The following FAM227B variants were observed in gnomAD, a reference collection of about 807,000 sequenced individuals.
The protein encoded by FAM227B is family with sequence similarity 227 member B.
Under a neutral mutation model 73.8 loss-of-function variants are expected in FAM227B, and 88 were observed. The ratio of observed to expected loss-of-function variants is 1.19; its 90% CI spans 1.00 to 1.42. FAM227B has a LOEUF of 1.42. Among genes scored for constraint, FAM227B ranks in the 40% most tolerant of loss-of-function variants. FAM227B has a pLI of 0.00. For missense variants in FAM227B, 632 were observed against 590.9 expected (o/e 1.07, Z -0.72); for synonymous variants, 210 against 190.5 (o/e 1.10, Z -0.84).
chr15:49,361,155 AC>A (rs1384277291), intron 13 of FAM227B, among the ~76,000 whole-genome samples: 1 of 152,200 alleles, frequency 6.6e-6, no homozygotes, highest in Non-Finnish European at 1.5e-5. Context: ...TCATAACATC[AC>A]TTTTTACCCC....
At chr15:49,568,198 C>G in intron 9 of FAM227B, 47 bp downstream of exon 9, 1 of 1,454,904 alleles carries the variant, frequency 6.9e-7, no homozygotes, top group South Asian at 1.2e-5. Context: ...TTTTCTATTT[C>G]ATTCACTTTA....
intron 12 of FAM227B, among the ~76,000 whole-genome samples, chr15:49,368,174 G>A (rs2151460791): frequency 6.6e-6 from 1 of 151,154 alleles, no homozygotes; most frequent in East Asian, 1.9e-4. Context: ...TAGAGGTGCT[G>A]ATGGAAAAAA....
intron 11 of FAM227B, chr15:49,424,265 G>GTTA: frequency 1.3e-6 from 2 of 1,582,046 alleles, no homozygotes; most frequent in Non-Finnish European, 1.7e-6. Context: ...TTTTCATTAT[G>GTTA]TTATTCATGA....
At chr15:49,591,120 C>A (rs1353459942) in intron 3 of FAM227B, among the ~76,000 whole-genome samples, 1 of 139,620 alleles carries the variant, frequency 7.2e-6, no homozygotes, top group African/African-American at 2.6e-5. Flanking sequence ...TCTTGGCTCA[C>A]TGCAAGCTCC....
At chr15:49,350,694 T>C (rs2042110449) in intron 13 of FAM227B, among the ~76,000 whole-genome samples, 1 of 152,228 alleles carries the variant, frequency 6.6e-6, no homozygotes, top group African/African-American at 2.4e-5. Context: ...TTGACCTTGG[T>C]GGGTCTTCCT....
At chr15:49,611,092 C>T in intron 3 of FAM227B, 123 bp downstream of exon 3, 1 of 592,148 alleles carries the variant, frequency 1.7e-6, no homozygotes. Flanking sequence ...TATATACACA[C>T]TTTCCTCATT....
chr15:49,573,651 T>C (rs2075267671), intron 8 of FAM227B, among the ~76,000 whole-genome samples: 2 of 152,200 alleles, frequency 1.3e-5, no homozygotes, highest in Admixed American at 6.5e-5. Flanking sequence ...CTTCACCACA[T>C]GCCGGTCCCT....
intron 9 of FAM227B, among the ~76,000 whole-genome samples, chr15:49,544,208 C>T (rs985704102): frequency 2.0e-5 from 3 of 151,974 alleles, no homozygotes; most frequent in Admixed American, 2.0e-4. Context: ...GGTCTTTCAC[C>T]TCCTTGGTTA....
chr15:49,338,429 T>C (rs1424709465), intron 13 of FAM227B, among the ~76,000 whole-genome samples: 1 of 152,250 alleles, frequency 6.6e-6, no homozygotes, highest in Non-Finnish European at 1.5e-5. Context: ...AAAATTCTTT[T>C]CTTTAAGAAT....
intron 10 of FAM227B, among the ~76,000 whole-genome samples, chr15:49,518,826 A>C (rs2059573448): frequency 6.6e-6 from 1 of 152,176 alleles, no homozygotes; most frequent in Non-Finnish European, 1.5e-5. Context: ...TCATGTCCTG[A>C]CATTTCAAAA....
At chr15:49,575,714 C>G (rs1028489108) in intron 7 of FAM227B, among the ~76,000 whole-genome samples, 6 of 151,952 alleles carry the variant, frequency 3.9e-5, no homozygotes, top group Non-Finnish European at 5.9e-5. Flanking sequence ...AAGATTCATG[C>G]CATTATTTCC....
At chr15:49,531,679 C>T (rs1293560492) in intron 10 of FAM227B, among the ~76,000 whole-genome samples, 5 of 151,974 alleles carry the variant, frequency 3.3e-5, no homozygotes, top group South Asian at 2.1e-4. Flanking sequence ...ATCATCTTCC[C>T]TGTCTTTAGA....
intron 2 of FAM227B, 176 bp downstream of exon 2, chr15:49,614,945 T>G (rs1041721335): frequency 4.6e-6 from 3 of 648,654 alleles, no homozygotes; most frequent in Non-Finnish European, 8.4e-6. Flanking sequence ...AAAGCTTTCT[T>G]CCTTGGCAAT....
chr15:49,431,644 T>C (rs1448860473), intron 11 of FAM227B, among the ~76,000 whole-genome samples: 3 of 151,696 alleles, frequency 2.0e-5, no homozygotes, highest in East Asian at 1.9e-4. Context: ...GAGTACTTGA[T>C]AGAGTCATTA....
At chr15:49,601,095 G>C (rs550543248) in intron 3 of FAM227B, among the ~76,000 whole-genome samples, 100 of 147,948 alleles carry the variant, frequency 6.8e-4, no homozygotes, top group Non-Finnish European at 1.2e-3. Context: ...TTTTCTGATT[G>C]TTTTGTATTA....
At chr15:49,583,173 C>T (rs951252636) in intron 5 of FAM227B, among the ~76,000 whole-genome samples, 2 of 147,226 alleles carry the variant, frequency 1.4e-5, no homozygotes, top group African/African-American at 5.0e-5. Context: ...TTGAGAAGAT[C>T]AACAAATCCA....
chr15:49,497,282 G>A (rs1026212113), intron 11 of FAM227B, among the ~76,000 whole-genome samples: 22 of 152,130 alleles, frequency 1.4e-4, no homozygotes, highest in African/African-American at 4.8e-4. Context: ...CATACTTATG[G>A]CACCAGTAAA....
chr15:49,442,346 C>T (rs73400205), intron 11 of FAM227B, among the ~76,000 whole-genome samples: 30,274 of 151,518 alleles, frequency 0.2, 3,266 homozygotes, highest in South Asian at 0.33. Flanking sequence ...CAACTCTCCA[C>T]GAAGCTCCCC....
intron 3 of FAM227B, among the ~76,000 whole-genome samples, chr15:49,607,605 T>C (rs939272982): frequency 1.3e-5 from 2 of 152,342 alleles, no homozygotes; most frequent in East Asian, 3.9e-4. Context: ...CAGTTCTTTA[T>C]GTCAGACTTG....
Sources: gnomAD v4.1 joint callset for allele counts (sites outside exome capture counted in the v4.1 genomes callset) on GRCh38, gnomAD v4.1.1 for gene constraint, MANE v1.5 for transcripts, NCBI Gene and HGNC (gene_info 2026-07-23, HGNC 2026-07-21) for gene names.